LGSN: variants seen among roughly 807,000 people sequenced by gnomAD.
The protein encoded by LGSN is lengsin, lens protein with glutamine synthetase domain.
In LGSN, 21 loss-of-function variants were observed where a neutral mutation model predicts 19.5. The observed-to-expected ratio is 1.07, with a 90% confidence interval of 0.76 to 1.55. LGSN has a LOEUF of 1.55. Ranked by LOEUF, LGSN falls within the 40% of genes most tolerant of loss-of-function variation. The probability of loss-of-function intolerance (pLI) is 0.00; values close to 1 mark genes in which losing one functional copy is unlikely to be tolerated. For synonymous variants in LGSN, 257 were observed against 215.6 expected (o/e 1.19, Z -1.68); for missense variants, 673 against 608.5 (o/e 1.11, Z -1.12).
chr6:63,493,499 AAGAATTTAATTTTCT>A, the LGSN span, among the ~76,000 whole-genome samples: 1 of 151,390 alleles, frequency 6.6e-6, no homozygotes, highest in African/African-American at 2.5e-5. Context: ...GTTCAGTTTA[AAGAATTTAATTTTCT>A]AGAATTTAAT....
chr6:63,422,603 CTGAGA>C, the LGSN span, among the ~76,000 whole-genome samples: 3 of 151,950 alleles, frequency 2.0e-5, no homozygotes, highest in Admixed American at 6.6e-5. Context: ...CATTAGTAGA[CTGAGA>C]TAAGTTATGT....
chr6:63,525,044 TAGAC>T, the LGSN span, among the ~76,000 whole-genome samples: 9 of 152,226 alleles, frequency 5.9e-5, no homozygotes, highest in Admixed American at 2.0e-4. Flanking sequence ...GGATTTAGCT[TAGAC>T]AGACTAGAGC....
chr6:63,456,548 T>C, the LGSN span, among the ~76,000 whole-genome samples: 4 of 151,678 alleles, frequency 2.6e-5, no homozygotes, highest in Non-Finnish European at 4.4e-5. Context: ...TCAGTTTTTT[T>C]GTTCAGGTTG....
At chr6:63,564,845 A>C in the LGSN span, among the ~76,000 whole-genome samples, 3 of 152,200 alleles carry the variant, frequency 2.0e-5, no homozygotes, top group East Asian at 5.8e-4. Context: ...TGCTAAAATA[A>C]GAAGAGTCTT....
chr6:63,465,047 C>A, the LGSN span, among the ~76,000 whole-genome samples: 2 of 148,698 alleles, frequency 1.3e-5, no homozygotes, highest in East Asian at 4.0e-4. Flanking sequence ...AAAAAAACTT[C>A]CTAATTATTT....
the LGSN span, among the ~76,000 whole-genome samples, chr6:63,542,790 T>A: frequency 1.3e-5 from 2 of 152,086 alleles, no homozygotes; most frequent in Non-Finnish European, 2.9e-5. Flanking sequence ...AAATCCTACA[T>A]CCTTTCCATT....
At chr6:63,348,534 T>C in the LGSN span, among the ~76,000 whole-genome samples, 1 of 152,136 alleles carries the variant, frequency 6.6e-6, no homozygotes, top group Non-Finnish European at 1.5e-5. Context: ...CATGGCATTC[T>C]AGTTTCTATT....
chr6:63,533,817 T>C, the LGSN span, among the ~76,000 whole-genome samples: 1 of 148,476 alleles, frequency 6.7e-6, no homozygotes, highest in Admixed American at 6.8e-5. Flanking sequence ...TATAGCAAAT[T>C]CCTGAACAAA....
At chr6:63,361,668 C>A in the LGSN span, among the ~76,000 whole-genome samples, 3 of 152,088 alleles carry the variant, frequency 2.0e-5, no homozygotes, top group African/African-American at 7.2e-5. Flanking sequence ...CTGTCCTGCA[C>A]CAACTTTCCG....
the LGSN span, among the ~76,000 whole-genome samples, chr6:63,407,000 A>G: frequency 4.4e-3 from 672 of 152,342 alleles, 5 homozygotes; most frequent in South Asian, 5.6e-3. Context: ...TTCTCTGAAT[A>G]GACCAATAAC....
chr6:63,570,516 G>A, the LGSN span, among the ~76,000 whole-genome samples: 3 of 152,166 alleles, frequency 2.0e-5, no homozygotes, highest in Non-Finnish European at 4.4e-5. Flanking sequence ...TGGATACTTC[G>A]TGTCAGCACT....
At chr6:63,493,899 G>A in the LGSN span, among the ~76,000 whole-genome samples, 1 of 151,454 alleles carries the variant, frequency 6.6e-6, no homozygotes, top group Non-Finnish European at 1.5e-5. Context: ...TCAAGGAGGT[G>A]AATCATTGTA....
chr6:63,553,711 T>C, the LGSN span, among the ~76,000 whole-genome samples: 83 of 152,242 alleles, frequency 5.5e-4, no homozygotes, highest in African/African-American at 1.9e-3. Flanking sequence ...TCTTTGTGTA[T>C]AGGAGCAGGA....
the LGSN span, among the ~76,000 whole-genome samples, chr6:63,560,076 A>T: frequency 2.0e-5 from 3 of 152,200 alleles, no homozygotes; most frequent in Admixed American, 2.0e-4. Context: ...ACCAATTTCC[A>T]TAGTTTTCAT....
the LGSN span, among the ~76,000 whole-genome samples, chr6:63,387,314 G>A: frequency 5.9e-5 from 9 of 152,066 alleles, no homozygotes; most frequent in South Asian, 4.2e-4. Context: ...AAAATGCATC[G>A]GTACTGAATA....
At chr6:63,383,104 G>C in the LGSN span, among the ~76,000 whole-genome samples, 1 of 152,016 alleles carries the variant, frequency 6.6e-6, no homozygotes, top group Non-Finnish European at 1.5e-5. Flanking sequence ...ACCTTTAAAA[G>C]AGCAGATTTA....
chr6:63,556,657 A>C, the LGSN span, among the ~76,000 whole-genome samples: 4 of 152,222 alleles, frequency 2.6e-5, no homozygotes, highest in African/African-American at 9.7e-5. Flanking sequence ...TCAGCATGTC[A>C]CTATCGCTTT....
At chr6:63,410,581 T>C in the LGSN span, among the ~76,000 whole-genome samples, 2 of 152,154 alleles carry the variant, frequency 1.3e-5, no homozygotes, top group Non-Finnish European at 2.9e-5. Context: ...GCTAACACAA[T>C]TTGGGCATTT....
At chr6:63,291,646 A>T (rs1425405781) in intron 2 of LGSN, among the ~76,000 whole-genome samples, 1 of 152,154 alleles carries the variant, frequency 6.6e-6, no homozygotes, top group Non-Finnish European at 1.5e-5. Context: ...AACATTTTGG[A>T]ACAAAAACAG....
Sources: allele counts gnomAD v4.1 joint callset (sites outside exome capture counted in the v4.1 genomes callset), GRCh38; gene constraint gnomAD v4.1.1; transcripts MANE v1.5; gene names NCBI Gene and HGNC (gene_info 2026-07-23, HGNC 2026-07-21).